The following FOXP1 variants were observed in gnomAD, a reference collection of about 807,000 sequenced individuals.
FOXP1 encodes forkhead box protein P1.
In FOXP1, 15 loss-of-function variants were observed where a neutral mutation model predicts 98.2. The observed-to-expected ratio is 0.15, with a 90% CI of 0.10 to 0.24. FOXP1 has a LOEUF of 0.24. Ranked by LOEUF, FOXP1 falls within the 10% of genes least tolerant of loss-of-function variation. The pLI is 1.00. For missense variants in FOXP1, 633 were observed against 848.5 expected (o/e 0.75, Z 3.15); for synonymous variants, 371 against 314.5 (o/e 1.18, Z -1.90).
intron 5 of FOXP1, among the ~76,000 whole-genome samples, chr3:71,285,737 T>C (rs990256291): frequency 4.6e-5 from 7 of 152,216 alleles, no homozygotes; most frequent in African/African-American, 7.2e-5. Flanking sequence ...TCTTTGGTAT[T>C]ATATCACAAA....
chr3:71,572,191 T>C (rs894382519), intron 2 of FOXP1: 1 of 152,252 alleles, frequency 6.6e-6, no homozygotes, highest in African/African-American at 2.4e-5. Flanking sequence ...TTCAAATGAA[T>C]GCTTTGCCTG....
intron 6 of FOXP1, among the ~76,000 whole-genome samples, chr3:71,122,180 G>A (rs758748564): frequency 2.0e-5 from 3 of 152,050 alleles, no homozygotes; most frequent in Non-Finnish European, 4.4e-5. Context: ...TTCTTATACT[G>A]TAAGTCACAC....
chr3:71,555,431 T>C (rs2046055994), intron 2 of FOXP1, among the ~76,000 whole-genome samples: 1 of 152,160 alleles, frequency 6.6e-6, no homozygotes, highest in Non-Finnish European at 1.5e-5. Context: ...GAGAAGACCA[T>C]GAAGAAATAG....
chr3:71,451,318 C>G (rs138350744), intron 3 of FOXP1, among the ~76,000 whole-genome samples: 1 of 152,294 alleles, frequency 6.6e-6, no homozygotes, highest in East Asian at 1.9e-4. Flanking sequence ...GTTAACAGAT[C>G]AGTCCCTTTA....
intron 4 of FOXP1, among the ~76,000 whole-genome samples, chr3:71,318,352 AC>A (rs796670961): frequency 2.0e-5 from 3 of 152,366 alleles, no homozygotes; most frequent in African/African-American, 7.2e-5. Flanking sequence ...AGATGCAGGC[AC>A]TTCCCTGAAT....
At chr3:70,988,143 G>T in intron 13 of FOXP1, 66 bp from the exon 14 acceptor site, 2 of 1,340,550 alleles carry the variant, frequency 1.5e-6, no homozygotes, top group South Asian at 1.2e-5. Context: ...CACCAAAAAT[G>T]ATACATATTA....
chr3:71,461,964 A>G (rs1283308611), intron 3 of FOXP1, among the ~76,000 whole-genome samples: 2 of 152,162 alleles, frequency 1.3e-5, no homozygotes, highest in African/African-American at 4.8e-5. Context: ...AGAAGAACTG[A>G]CACTCCCTTT....
chr3:71,073,022 C>T (rs2053431971), intron 7 of FOXP1, among the ~76,000 whole-genome samples: 1 of 152,208 alleles, frequency 6.6e-6, no homozygotes, highest in Non-Finnish European at 1.5e-5. Context: ...GCATTTCATC[C>T]TTCATGAGGA....
chr3:71,271,529 AC>A (rs2070349553), intron 5 of FOXP1, among the ~76,000 whole-genome samples: 1 of 152,080 alleles, frequency 6.6e-6, no homozygotes, highest in Admixed American at 6.6e-5. Flanking sequence ...ACATCCAAAC[AC>A]CTATTCATCC....
intron 18 of FOXP1, chr3:70,971,039 G>C (rs746775268): frequency 4.0e-6 from 2 of 505,846 alleles, no homozygotes; most frequent in African/African-American, 1.9e-5. Flanking sequence ...TTCTGGCTTA[G>C]GTAGTAACAG....
Position 71,575,454 on chromosome 3 carries a change from CAT to C in FOXP1, c.-298+6093_-298+6094del, listed in dbSNP as rs750161282. Among the ~76,000 whole-genome samples the C allele has an allele frequency of 2.0e-3, 298 of 152,190 alleles. 3 individuals carry two copies. Among genetic ancestry groups the C allele is most frequent in the Admixed American group, 0.016 (239 of 15,276 alleles). ...TATTTTAATAACCTACACACACACA[CAT>C]ACACACACACACACACAGATACAGA... is the stretch of plus-strand genomic sequence containing the variant. On this transcript the variant is annotated intron_variant, in intron 2 of 20. Transcript: ENST00000649528.
At chr3:70,976,745 T>TA (rs776439480) in intron 17 of FOXP1, among the ~76,000 whole-genome samples, 196 bp downstream of exon 17, 1 of 152,232 alleles carries the variant, frequency 6.6e-6, no homozygotes, top group Non-Finnish European at 1.5e-5. Flanking sequence ...GATGCTGGTA[T>TA]AATGGGAGTC....
At chr3:71,296,537 T>C (rs1411127273) in intron 5 of FOXP1, 1 of 152,136 alleles carries the variant, frequency 6.6e-6, no homozygotes, top group Non-Finnish European at 1.5e-5. Flanking sequence ...CTTAAGTCTA[T>C]ATACCCTAAC....
At chr3:71,017,036 A>G (rs1456563383) in intron 11 of FOXP1, among the ~76,000 whole-genome samples, 1 of 152,148 alleles carries the variant, frequency 6.6e-6, no homozygotes, top group Non-Finnish European at 1.5e-5. Context: ...AAAGAAAAAA[A>G]GGTAGAAAAA....
At chr3:70,979,321 GAA>G (rs1559626359) in intron 14 of FOXP1, among the ~76,000 whole-genome samples, 1 of 76,010 alleles carries the variant, frequency 1.3e-5, no homozygotes. Context: ...AAAAAAAAAA[GAA>G]AAAAATAAAT....
intron 6 of FOXP1, among the ~76,000 whole-genome samples, chr3:71,155,115 T>C (rs1443887883): frequency 6.6e-6 from 1 of 152,126 alleles, no homozygotes; most frequent in East Asian, 1.9e-4. Flanking sequence ...AAACAAACAA[T>C]TGAGATTGAA....
At chr3:71,023,053 T>C (rs1379113508) in intron 11 of FOXP1, among the ~76,000 whole-genome samples, 2 of 152,086 alleles carry the variant, frequency 1.3e-5, no homozygotes, top group Non-Finnish European at 2.9e-5. Context: ...CCCACCTCCT[T>C]TGACTTAAAA....
chr3:71,448,374 T>C (rs2086645239), intron 3 of FOXP1, among the ~76,000 whole-genome samples: 1 of 152,198 alleles, frequency 6.6e-6, no homozygotes, highest in Non-Finnish European at 1.5e-5. Flanking sequence ...TGGTAAGGTT[T>C]AAGCAATACT....
At chr3:71,096,959 G>A (rs1005761826) in intron 7 of FOXP1, among the ~76,000 whole-genome samples, 9 of 152,160 alleles carry the variant, frequency 5.9e-5, no homozygotes, top group Non-Finnish European at 1.0e-4. Context: ...GGAAAGTGGG[G>A]TGTTAGGTGG....
Sources: allele counts gnomAD v4.1 joint callset (sites outside exome capture counted in the v4.1 genomes callset), GRCh38; gene constraint gnomAD v4.1.1; transcripts MANE v1.5; gene names NCBI Gene and HGNC (gene_info 2026-07-23, HGNC 2026-07-21).